ATP2B4: variants seen among roughly 807,000 people sequenced by gnomAD.
ATP2B4 encodes the protein ATPase plasma membrane Ca2+ transporting 4, also known as plasma membrane calcium-transporting ATPase 4.
Under a neutral mutation model 110.3 loss-of-function variants are expected in ATP2B4, and 39 were observed. That is an observed-to-expected ratio of 0.35 (90% CI 0.27 to 0.46). The LOEUF is 0.46. Among genes scored for constraint, ATP2B4 ranks in the 20% least tolerant of loss-of-function variants. The pLI is 1.00. For missense variants in ATP2B4, 1,135 were observed against 1,530.9 expected, an observed-to-expected ratio of 0.74 and a Z score of 4.32; for synonymous variants, 538 against 571.7, an observed-to-expected ratio of 0.94 and a Z score of 0.84.
chr1:203,653,985 A>ATATAT (rs1426863910), intron 1 of ATP2B4, among the ~76,000 whole-genome samples: 9 of 112,440 alleles, frequency 8.0e-5, no homozygotes, highest in African/African-American at 3.5e-4. Flanking sequence ...ATATATATAT[A>ATATAT]TTTTTTTTTT....
At chr1:203,635,938 C>T (rs551745076) in intron 1 of ATP2B4, among the ~76,000 whole-genome samples, 2 of 152,300 alleles carry the variant, frequency 1.3e-5, no homozygotes, top group African/African-American at 2.4e-5. Context: ...CACTGCTCCC[C>T]ACCCACAGCC....
chr1:203,707,757 G>A (rs971938471), intron 9 of ATP2B4, 105 bp from the exon 10 acceptor site: 1 of 1,474,904 alleles, frequency 6.8e-7, no homozygotes, highest in Non-Finnish European at 9.3e-7. Flanking sequence ...GTGTGGGACT[G>A]GAAGATGAAA....
At position 203,709,435 on chromosome 1, in the gene ATP2B4, G is replaced by C. The variant is rs1386547471; in HGVS notation, c.1692G>C (p.Lys564Asn). 6.2e-7 allele frequency: 1 copy of C among 1,614,196 alleles called. No homozygotes were observed. Among genetic ancestry groups the C allele is most frequent in the Non-Finnish European group, 8.5e-7 (1 of 1,180,030 alleles). Residue 564 changes from lysine to asparagine, a missense_variant, in exon 11 of 21, where the codon AAG (lysine) becomes AAC (asparagine). Coordinates refer to ENST00000357681, the MANE Select transcript of ATP2B4 (RefSeq NM_001684.5). ...RNEVPEEKLYKVYTFNSVRKS... is the reference protein window; with the variant it reads ...RNEVPEEKLYNVYTFNSVRKS... ...AAGTGCCCGAGGAGAAGCTCTACAAGGTGTACACCTTTAACTCAGTGCGCA... is the reference window on the plus strand; with the variant it reads ...AAGTGCCCGAGGAGAAGCTCTACAACGTGTACACCTTTAACTCAGTGCGCA...
intron 8 of ATP2B4, among the ~76,000 whole-genome samples, chr1:203,705,160 G>A (rs1020879305): frequency 6.6e-6 from 1 of 152,222 alleles, no homozygotes; most frequent in Admixed American, 6.5e-5. Flanking sequence ...TGTCATATTG[G>A]ACAGCATAAA....
intron 8 of ATP2B4, among the ~76,000 whole-genome samples, chr1:203,704,749 A>G (rs1227947673): frequency 6.6e-6 from 1 of 152,072 alleles, no homozygotes; most frequent in Non-Finnish European, 1.5e-5. Context: ...TCAAAGTGCT[A>G]GGATACAGGC....
chr1:203,724,111 C>T (rs1472793736), intron 19 of ATP2B4, 123 bp downstream of exon 19: 2 of 736,214 alleles, frequency 2.7e-6, no homozygotes, highest in African/African-American at 3.6e-5. Flanking sequence ...CTCCTCTTCC[C>T]TCCCCACCCC....
intron 19 of ATP2B4, among the ~76,000 whole-genome samples, chr1:203,727,132 G>A (rs553463012): frequency 6.6e-6 from 1 of 152,256 alleles, no homozygotes; most frequent in East Asian, 1.9e-4. Context: ...ATATGACCAG[G>A]CAGATGGCTG....
At chr1:203,718,258 C>T (rs7512538) in intron 15 of ATP2B4, among the ~76,000 whole-genome samples, 2,421 of 149,772 alleles carry the variant, frequency 0.016, 71 homozygotes, top group African/African-American at 0.058. Context: ...TGATTTATAA[C>T]TTTCTAATTT....
At chr1:203,645,099 A>G (rs1663754702) in intron 1 of ATP2B4, among the ~76,000 whole-genome samples, 1 of 152,186 alleles carries the variant, frequency 6.6e-6, no homozygotes, top group African/African-American at 2.4e-5. Context: ...TCTCAGCTAT[A>G]TTCAGATTAG....
rs148608024 is a variant in ATP2B4 at position 203,732,087 on chromosome 1, G to A, written c.3309+4516G>A. Among the ~76,000 whole-genome samples the A allele has an allele frequency of 2.6e-4, 39 of 147,246 alleles. 1 individual carries two copies. Among genetic ancestry groups the A allele is most frequent in the Admixed American group, 2.6e-3 (38 of 14,564 alleles). On this transcript the variant is annotated intron_variant, in intron 20 of 20. Transcript: ENST00000357681. ...AGCTACTCAGGAGGCTGAGGCAGGA[G>A]AATGGCGTGAACCCGGGAGGCGGAG...
In ATP2B4 at chr1:203,637,377, A is replaced by G. The variant is rs186939099; in HGVS notation, c.-465+10158A>G. On this transcript the variant is annotated intron_variant, in intron 1 of 20. Coordinates refer to ENST00000357681, the MANE Select transcript of ATP2B4 (RefSeq NM_001684.5). ...ACCCCCGGGGGGGGGCGGAGCCTGC[A>G]GTGAGCCGAGATCGCACCACTGCAC... Among the ~76,000 whole-genome samples, 1,348 of 144,672 alleles carry G rather than the reference A, an allele frequency of 9.3e-3. 16 individuals are homozygous for G. The highest frequency in any genetic ancestry group is 0.016 in the Non-Finnish European group (1,036 of 66,530). The allele number at this position is 144,672 out of a possible 152,430, so 94.9% of individuals were successfully genotyped here.
chr1:203,627,243 A>G (rs1186597035), intron 1 of ATP2B4, 24 bp downstream of exon 1: 1 of 152,214 alleles, frequency 6.6e-6, no homozygotes, highest in Non-Finnish European at 1.5e-5. Context: ...GAATGAATTG[A>G]CTTGTGATTT....
chr1:203,660,513 G>T (rs573449083), intron 1 of ATP2B4, among the ~76,000 whole-genome samples: 24 of 151,980 alleles, frequency 1.6e-4, no homozygotes, highest in Admixed American at 6.6e-4. Flanking sequence ...GTGGGGGGTG[G>T]GGGGAGGCCT....
chr1:203,628,104 G>A (rs576039308), intron 1 of ATP2B4, among the ~76,000 whole-genome samples: 91 of 152,310 alleles, frequency 6.0e-4, no homozygotes, highest in Non-Finnish European at 1.0e-3. Context: ...CAGATGGGGT[G>A]GGCCACAGGC....
intron 20 of ATP2B4, among the ~76,000 whole-genome samples, chr1:203,734,936 G>A (rs1390924895): frequency 6.7e-6 from 1 of 148,684 alleles, no homozygotes; most frequent in African/African-American, 2.5e-5. Context: ...CCCAGGAGGC[G>A]GAGGTTGCGG....
At chr1:203,711,396 T>C (rs1285142706) in intron 12 of ATP2B4, among the ~76,000 whole-genome samples, 1 of 152,144 alleles carries the variant, frequency 6.6e-6, no homozygotes, top group Non-Finnish European at 1.5e-5. Context: ...TGTCTTTAGC[T>C]CCCTCCTTTC....
At chr1:203,628,546 G>A (rs980754442) in intron 1 of ATP2B4, among the ~76,000 whole-genome samples, 38 of 152,170 alleles carry the variant, frequency 2.5e-4, no homozygotes, top group African/African-American at 8.7e-4. Flanking sequence ...AAGGAGTGGG[G>A]GAGGGAAGGG....
intron 2 of ATP2B4, among the ~76,000 whole-genome samples, chr1:203,688,743 C>T (rs1383261586): frequency 6.6e-6 from 1 of 151,958 alleles, no homozygotes; most frequent in Non-Finnish European, 1.5e-5. Context: ...TCAGCAACAA[C>T]CAGAAATAAG....
At chr1:203,714,381 G>A in intron 15 of ATP2B4, 104 bp downstream of exon 15, 3 of 1,254,610 alleles carry the variant, frequency 2.4e-6, no homozygotes, top group Non-Finnish European at 3.5e-6. Context: ...CATAGCCCAT[G>A]GGGTGCTTTT....
Sources: allele counts gnomAD v4.1 joint callset (sites outside exome capture counted in the v4.1 genomes callset), GRCh38; gene constraint gnomAD v4.1.1; transcripts MANE v1.5; gene names NCBI Gene and HGNC (gene_info 2026-07-23, HGNC 2026-07-21).